Variants in DST observed in about 807,000 individuals in gnomAD.
The protein encoded by DST is bullous pemphigoid antigen.
A neutral mutation model predicts 875.2 loss-of-function variants in DST; 253 were observed. That is an observed-to-expected ratio of 0.29 (90% CI 0.26 to 0.32). DST has a LOEUF of 0.32. Among genes scored for constraint, DST ranks in the 10% least tolerant of loss-of-function variants. The pLI is 1.00. For synonymous variants in DST, 3,124 were observed against 3,197.1 expected, an observed-to-expected ratio of 0.98 and a Z score of 0.77; for missense variants, 8,287 against 9,111.6, an observed-to-expected ratio of 0.91 and a Z score of 3.68.
At chr6:56,822,040 A>G (rs1023434743) in intron 4 of DST, among the ~76,000 whole-genome samples, 3 of 152,120 alleles carry the variant, frequency 2.0e-5, no homozygotes, top group Non-Finnish European at 4.4e-5. Context: ...AGCCCACAAC[A>G]TTTCTATAGT....
At chr6:56,509,403 C>T (rs2096418043) in intron 74 of DST, among the ~76,000 whole-genome samples, 2 of 152,252 alleles carry the variant, frequency 1.3e-5, no homozygotes, top group East Asian at 1.9e-4. Flanking sequence ...GGTCTTTGAA[C>T]ATATGGTCTT....
Position 56,577,337 on chromosome 6 carries a change from T to C in DST, c.13027+1477A>G, listed in dbSNP as rs78428251. 3.5e-3 allele frequency among the ~76,000 whole-genome samples: 527 copies of C among 152,320 alleles called. 3 individuals are homozygous for C. The highest frequency in any genetic ancestry group is 0.012 in the African/African-American group (504 of 41,568). On this transcript the variant is annotated intron_variant, in intron 50 of 103. Transcript: ENST00000680361. Reference sequence around the variant, plus strand: ...TACCCAAGTCCTCACAGCAATGGTATCTAATGTGGATATATGAGATGCTGC... The same window carrying C: ...TACCCAAGTCCTCACAGCAATGGTACCTAATGTGGATATATGAGATGCTGC...
chr6:56,909,969 AT>A (rs1291055493), intron 2 of DST, among the ~76,000 whole-genome samples: 2 of 152,254 alleles, frequency 1.3e-5, no homozygotes. Context: ...GGGAAAAAAA[AT>A]AATGTATCTA....
rs74754918 is a variant in DST at position 56,549,130 on chromosome 6, C to T, written c.16608+3054G>A. On this transcript the variant is annotated intron_variant, in intron 61 of 103. Transcript: ENST00000680361. ...CAAACCTGCTTTAAATCCTCTATTA[C>T]GGGTCCAGTGAATAGAAGGCACCCC... is the stretch of plus-strand genomic sequence containing the variant. Among the ~76,000 whole-genome samples, 757 of 152,276 alleles carry T rather than the reference C, an allele frequency of 5.0e-3. 7 individuals carry two copies. The highest frequency in any genetic ancestry group is 0.017 in the African/African-American group (722 of 41,566).
chr6:56,487,371 T>C (rs2095603315), intron 86 of DST, 98 bp from the exon 87 acceptor site: 11 of 1,081,054 alleles, frequency 1.0e-5, no homozygotes, highest in Non-Finnish European at 1.3e-5. Context: ...GGAGATGAAT[T>C]ATAGATGCTT....
chr6:56,579,144 A>G (rs527519353), intron 49 of DST, among the ~76,000 whole-genome samples: 1 of 152,358 alleles, frequency 6.6e-6, no homozygotes, highest in African/African-American at 2.4e-5. Flanking sequence ...CAGTCTGGAT[A>G]ACACAAATTA....
chr6:56,465,351 A>G (rs1474923482), intron 99 of DST, among the ~76,000 whole-genome samples: 9 of 152,296 alleles, frequency 5.9e-5, no homozygotes, highest in African/African-American at 2.2e-4. Flanking sequence ...GAAAATTATA[A>G]CAATTTTATT....
chr6:56,703,012 G>A (rs1219677240), intron 7 of DST, among the ~76,000 whole-genome samples: 1 of 152,176 alleles, frequency 6.6e-6, no homozygotes, highest in African/African-American at 2.4e-5. Flanking sequence ...CACTAGGTAT[G>A]TAGAAGACAA....
intron 4 of DST, among the ~76,000 whole-genome samples, chr6:56,784,251 C>T (rs2099700355): frequency 1.3e-5 from 2 of 152,130 alleles, no homozygotes; most frequent in Admixed American, 1.3e-4. Context: ...CTCTGTATTT[C>T]CTGAATCTGA....
At chr6:56,505,351 T>C (rs917680937) in intron 77 of DST, among the ~76,000 whole-genome samples, 3 of 152,244 alleles carry the variant, frequency 2.0e-5, no homozygotes, top group South Asian at 2.1e-4. Flanking sequence ...TGTGGTGGCA[T>C]TGCCACCTCT....
chr6:56,654,585 G>GCTATATATATATATATATATATATATAT (rs1563483700), intron 10 of DST, among the ~76,000 whole-genome samples: 1 of 118,822 alleles, frequency 8.4e-6, no homozygotes, highest in African/African-American at 5.0e-5. Flanking sequence ...TCTCCCCTAG[G>GCTATATATATATATATATATATATATAT]CTATATATAT....
chr6:56,659,646 T>C (rs2099028438), intron 10 of DST, among the ~76,000 whole-genome samples: 1 of 152,016 alleles, frequency 6.6e-6, no homozygotes, highest in African/African-American at 2.4e-5. Context: ...AGTGAAGAAA[T>C]GATGGAGGAT....
intron 71 of DST, among the ~76,000 whole-genome samples, chr6:56,516,978 C>T (rs1409550374): frequency 7.9e-5 from 12 of 152,124 alleles, no homozygotes; most frequent in Admixed American, 5.9e-4. Context: ...CCTTAATAGC[C>T]TTTGTGCCTA....
intron 3 of DST, among the ~76,000 whole-genome samples, chr6:56,860,592 C>G (rs1316418410): frequency 1.3e-5 from 2 of 152,184 alleles, no homozygotes; most frequent in Admixed American, 1.3e-4. Context: ...CCACCCATCA[C>G]TACTGCTAAT....
intron 4 of DST, among the ~76,000 whole-genome samples, chr6:56,774,135 A>G (rs2099673148): frequency 6.6e-6 from 1 of 151,264 alleles, no homozygotes; most frequent in Admixed American, 6.6e-5. Flanking sequence ...AAAAAAAAGA[A>G]TTTATCTCAG....
At position 56,472,200 on chromosome 6, in the gene DST, G is replaced by A; in HGVS notation, c.22017C>T (p.Ser7339=). 6.2e-7 allele frequency: 1 copy of A among 1,613,840 alleles called. No individual in the cohort carries two copies. Residue 7339 remains serine, a synonymous_variant, in exon 94 of 104, where the codon AGC becomes AGT. Transcript: ENST00000680361. The stretch of plus-strand genomic sequence containing the variant: ...GTGTCTGTGACCCAGAGGGATACAA[G>A]CTTGATGCTGGAAAGCGTTTTCCTG... ...RAGRKRFPAS[S]LYPSGSQTQI... is the part of the protein sequence containing the mutation.
intron 4 of DST, among the ~76,000 whole-genome samples, chr6:56,817,905 G>A (rs1028358598): frequency 4.6e-5 from 7 of 152,286 alleles, no homozygotes; most frequent in African/African-American, 1.7e-4. Context: ...GTGATGGGGA[G>A]ACTAGCCTGG....
chr6:56,706,390 A>G (rs2099337701), intron 5 of DST, among the ~76,000 whole-genome samples: 1 of 152,236 alleles, frequency 6.6e-6, no homozygotes, highest in South Asian at 2.1e-4. Flanking sequence ...TATCCATTCA[A>G]TTAGAATATT....
rs763956638 is a variant in DST, at chr6:56,607,737, C to A, written c.6891G>T (p.Lys2297Asn). ...PEHEETPENR[K>N]CAIDEEFNEM... ...CATTAAATTCTTCATCTATAGCACACTTTCTATTTTCAGGAGTCTCTTCAT... is the reference window on the plus strand; with the variant it reads ...CATTAAATTCTTCATCTATAGCACAATTTCTATTTTCAGGAGTCTCTTCAT... The change falls in exon 40 of 104, where the codon AAG becomes AAT. Residue 2297 changes from lysine (K) to asparagine (N), a missense_variant. By Grantham distance (94) the Lys-to-Asn change is moderately conservative. This residue lies in a region of DST where 3,138 missense variants were observed against 3,116.6 expected (regional missense o/e 1.01). Coordinates refer to ENST00000680361, the MANE Select transcript of DST (RefSeq NM_001374736.1). 6.2e-7 allele frequency: 1 copy of A among 1,613,338 alleles called. No individual in the cohort carries two copies. The highest frequency in any genetic ancestry group is 8.5e-7 in the Non-Finnish European group (1 of 1,179,712).
Sources: allele counts gnomAD v4.1 joint callset (sites outside exome capture counted in the v4.1 genomes callset), GRCh38; gene constraint gnomAD v4.1.1; regional missense constraint gnomAD v4.1.1; transcripts MANE v1.5; gene names NCBI Gene and HGNC (gene_info 2026-07-23, HGNC 2026-07-21).